Variants in PTPRE observed in about 807,000 individuals in gnomAD.
PTPRE encodes receptor-type tyrosine-protein phosphatase epsilon.
In PTPRE, 51 loss-of-function variants were observed where a neutral mutation model predicts 102.0. The observed-to-expected ratio is 0.50, with a 90% CI of 0.40 to 0.63. The LOEUF is 0.63. PTPRE is among the 30% of genes least tolerant of loss of function. The pLI is 0.00. For synonymous variants in PTPRE, 345 were observed against 348.2 expected, an observed-to-expected ratio of 0.99 and a Z score of 0.10; for missense variants, 752 against 915.1, an observed-to-expected ratio of 0.82 and a Z score of 2.30.
intron 2 of PTPRE, among the ~76,000 whole-genome samples, chr10:128,034,158 G>A (rs1847005517): frequency 6.6e-6 from 1 of 151,960 alleles, no homozygotes; most frequent in Non-Finnish European, 1.5e-5. Flanking sequence ...GAAATGTTCG[G>A]GCCTTCAAAG....
chr10:127,972,328 C>T (rs1358673328), intron 1 of PTPRE, among the ~76,000 whole-genome samples: 10 of 152,198 alleles, frequency 6.6e-5, no homozygotes, highest in Non-Finnish European at 1.5e-5. Context: ...GATTTGGAGT[C>T]AGATCTGGCT....
chr10:128,082,910 T>A lies in PTPRE; in HGVS notation c.*4T>A, dbSNP rs1851846779. 6.5e-7 allele frequency: 1 copy of A among 1,549,092 alleles called. No homozygotes were observed. Among genetic ancestry groups the A allele is most frequent in the Non-Finnish European group, 8.7e-7 (1 of 1,155,690 alleles). ...TGATTATGCTAATTTCAAATGAAGA[T>A]TCCTGCCTTAAAATATTTTTTAATT... is the stretch of plus-strand genomic sequence containing the variant. On this transcript the variant is annotated 3_prime_UTR_variant, in exon 21 of 21. Coordinates refer to ENST00000254667, the MANE Select transcript of PTPRE (RefSeq NM_006504.6).
At chr10:127,929,924 G>A (rs1002406902) in intron 1 of PTPRE, among the ~76,000 whole-genome samples, 18 of 152,024 alleles carry the variant, frequency 1.2e-4, no homozygotes, top group African/African-American at 4.3e-4. Context: ...AGATGTGATG[G>A]TGTATGCCTG....
intron 5 of PTPRE, among the ~76,000 whole-genome samples, chr10:128,048,490 A>G (rs952091390): frequency 6.6e-6 from 1 of 152,198 alleles, no homozygotes; most frequent in African/African-American, 2.4e-5. Flanking sequence ...GTTTGGGGGA[A>G]CACACGTGCC....
At position 128,070,984 on chromosome 10, in the gene PTPRE, CT is replaced by C. The variant is rs767030159; in HGVS notation, c.1387+85del. On this transcript the variant is annotated intron_variant, in intron 15 of 20. Coordinates refer to ENST00000254667, the MANE Select transcript of PTPRE (RefSeq NM_006504.6). The surrounding 1 kb of genome is among the most constrained non-coding windows in gnomAD (Gnocchi z 4.8). ...TTCATCCTGGAGAAGCCATTGACCG[CT>C]TACCCCTGTGCACCAGGGTCAAAAG... 1.5e-6 allele frequency: 2 copies of C among 1,375,616 alleles called. No homozygotes were observed. Among genetic ancestry groups the C allele is most frequent in the Non-Finnish European group, 1.0e-6 (1 of 978,530 alleles). 85.2% of individuals were successfully genotyped at this position (1,375,616 alleles called of 1,614,324 possible).
rs1347639146 is a variant in PTPRE, at chr10:128,009,697, G to A, written c.-8+27401G>A. 2.6e-5 allele frequency among the ~76,000 whole-genome samples: 4 copies of A among 152,368 alleles called. No individual in the cohort carries two copies. The South Asian group carries it at 8.3e-4, about 32-fold the overall frequency. On this transcript the variant is annotated intron_variant, in intron 2 of 20. Coordinates refer to ENST00000254667, the MANE Select transcript of PTPRE (RefSeq NM_006504.6). ...TGCGTGTGCTGCAAAGGACAGCCCTGAAAGATGCTGAAAAGAATTCAGTCA... is the reference window on the plus strand; with the variant it reads ...TGCGTGTGCTGCAAAGGACAGCCCTAAAAGATGCTGAAAAGAATTCAGTCA...
chr10:128,040,252 A>G (rs1847565735), intron 2 of PTPRE, among the ~76,000 whole-genome samples: 1 of 152,166 alleles, frequency 6.6e-6, no homozygotes, highest in Middle Eastern at 3.2e-3. Context: ...CCAAGCATGT[A>G]GGAGCTAGAC....
At chr10:128,020,116 G>T (rs960446565) in intron 2 of PTPRE, among the ~76,000 whole-genome samples, 1 of 152,218 alleles carries the variant, frequency 6.6e-6, no homozygotes, top group Non-Finnish European at 1.5e-5. Context: ...TGGCGTGATT[G>T]TCAGATCGGA....
At position 128,082,943 on chromosome 10, in the gene PTPRE, C is replaced by T; in HGVS notation, c.*37C>T. On this transcript the variant is annotated 3_prime_UTR_variant, in exon 21 of 21. Transcript: ENST00000254667. The stretch of plus-strand genomic sequence containing the variant: ...TTAAAATATTTTTTAATTTAATGGT[C>T]AGTATATTTTGTAAAAATCATGTTA... 1 of 1,470,794 alleles carries T rather than the reference C, an allele frequency of 6.8e-7. No individual in the cohort carries two copies. Among genetic ancestry groups the T allele is most frequent in the Non-Finnish European group, 9.1e-7 (1 of 1,102,592 alleles). The allele number at this position is 1,470,794 out of a possible 1,614,324, so 91.1% of individuals were successfully genotyped here. A position where few individuals can be genotyped will look rare whatever the true frequency, so the allele number is the denominator to read the frequency against.
intron 1 of PTPRE, among the ~76,000 whole-genome samples, chr10:127,962,275 C>T (rs957688140): frequency 1.3e-5 from 2 of 152,138 alleles, no homozygotes; most frequent in Non-Finnish European, 2.9e-5. Context: ...CCTGAACCTG[C>T]GGGAAGGCTG....
intron 1 of PTPRE, among the ~76,000 whole-genome samples, chr10:127,925,191 A>G (rs145275652): frequency 1.6e-4 from 24 of 152,336 alleles, no homozygotes; most frequent in Non-Finnish European, 2.9e-4. Flanking sequence ...CCACAGGACT[A>G]TGTGTCCTGA....
intron 1 of PTPRE, among the ~76,000 whole-genome samples, chr10:127,980,116 A>C (rs1851491498): frequency 6.6e-6 from 1 of 152,108 alleles, no homozygotes; most frequent in African/African-American, 2.4e-5. Flanking sequence ...AGTGATCCTC[A>C]AGTAATCATT....
chr10:128,014,365 T>C (rs1246919688), intron 2 of PTPRE, among the ~76,000 whole-genome samples: 1 of 152,138 alleles, frequency 6.6e-6, no homozygotes, highest in Non-Finnish European at 1.5e-5. Context: ...GCATGCACAT[T>C]GTTTGGCCCA....
chr10:127,996,003 G>C (rs1185565241), intron 2 of PTPRE, among the ~76,000 whole-genome samples: 1 of 152,146 alleles, frequency 6.6e-6, no homozygotes, highest in African/African-American at 2.4e-5. Flanking sequence ...TGCCAGCCTT[G>C]GTCTTAAAGA....
intron 1 of PTPRE, among the ~76,000 whole-genome samples, chr10:127,911,600 C>T (rs996619277): frequency 6.6e-6 from 1 of 152,194 alleles, no homozygotes; most frequent in Non-Finnish European, 1.5e-5. Context: ...CATCTCTGGG[C>T]CCCTCACAGC....
intron 1 of PTPRE, among the ~76,000 whole-genome samples, chr10:127,954,822 A>AGT (rs1849281714): frequency 6.6e-6 from 1 of 152,036 alleles, no homozygotes; most frequent in Non-Finnish European, 1.5e-5. Context: ...CATTACTCCT[A>AGT]GTGACCCACT....
intron 1 of PTPRE, among the ~76,000 whole-genome samples, chr10:127,932,351 G>A (rs75304619): frequency 0.022 from 3,335 of 152,262 alleles, 47 homozygotes; most frequent in Admixed American, 0.036. Context: ...GCCTATTGTG[G>A]CCAAATATAT....
chr10:128,046,172 G>A (rs1590124478), intron 3 of PTPRE, among the ~76,000 whole-genome samples: 3 of 152,336 alleles, frequency 2.0e-5, no homozygotes, highest in Admixed American at 2.0e-4. Context: ...GATGAGGGAG[G>A]AAAAGCCACA....
chr10:127,942,134 A>G (rs1848292541), intron 1 of PTPRE, among the ~76,000 whole-genome samples: 1 of 152,202 alleles, frequency 6.6e-6, no homozygotes. Flanking sequence ...CATGGAAGGA[A>G]GCTGGAGACC....
Sources: allele counts gnomAD v4.1 joint callset (sites outside exome capture counted in the v4.1 genomes callset), GRCh38; gene constraint gnomAD v4.1.1; non-coding constraint Gnocchi (gnomAD v3.1); transcripts MANE v1.5; gene names NCBI Gene and HGNC (gene_info 2026-07-23, HGNC 2026-07-21).